The following DYNC2H1 variants were observed in gnomAD, a reference collection of about 807,000 sequenced individuals.
DYNC2H1 encodes the protein dynein cytoplasmic 2 heavy chain 1.
In DYNC2H1, 410 loss-of-function variants were observed where a neutral mutation model predicts 570.0. That is an observed-to-expected ratio of 0.72 (90% CI 0.66 to 0.78). DYNC2H1 has a LOEUF of 0.78. DYNC2H1 is among the 30% of genes least tolerant of loss of function. The pLI is 0.00. For synonymous variants in DYNC2H1, 1,688 were observed against 1,677.6 expected, an observed-to-expected ratio of 1.01 and a Z score of -0.15; for missense variants, 4,865 against 5,046.4, an observed-to-expected ratio of 0.96 and a Z score of 1.09.
intron 79 of DYNC2H1, 105 bp downstream of exon 79, chr11:103,312,138 T>G: frequency 1.5e-5 from 18 of 1,192,926 alleles, no homozygotes; most frequent in Non-Finnish European, 1.8e-5. Context: ...CCCAGTACTG[T>G]GGGAGGCCAA....
Position 103,439,454 on chromosome 11 carries a change from G to A in DYNC2H1, c.12456+3422G>A, listed in dbSNP as rs1040145106. 6.6e-6 allele frequency among the ~76,000 whole-genome samples: 1 copy of A among 152,160 alleles called. No individual in the cohort carries two copies. The highest frequency in any genetic ancestry group is 1.5e-5 in the Non-Finnish European group (1 of 68,016). On this transcript the variant is annotated intron_variant, in intron 85 of 88. Coordinates refer to ENST00000375735, the MANE Select transcript of DYNC2H1 (RefSeq NM_001377.3). The surrounding 1 kb of genome is among the most constrained non-coding windows in gnomAD (Gnocchi z 4.1). ...TGGAGGGCAAGAGGGGCCAAATCAT[G>A]ATAATGTATTAAGGAATTATATTTT...
chr11:103,400,356 C>G (rs1399552193), intron 84 of DYNC2H1, among the ~76,000 whole-genome samples: 1 of 152,128 alleles, frequency 6.6e-6, no homozygotes, highest in Non-Finnish European at 1.5e-5. Flanking sequence ...AGCCAAATGC[C>G]TCTTCCTGGA....
intron 59 of DYNC2H1, among the ~76,000 whole-genome samples, chr11:103,225,598 T>C (rs2135166199): frequency 6.6e-6 from 1 of 152,310 alleles, no homozygotes; most frequent in Non-Finnish European, 1.5e-5. Flanking sequence ...TCTCTTCTGT[T>C]CCATTGGTCT....
In DYNC2H1 at chr11:103,354,133, C is replaced by T. The variant is rs577671568; in HGVS notation, c.12040-4110C>T. ...TGGAGGTTGCGATGAGCTGAGATCG[C>T]GCCACCGTACTCCAGCCTGGGTGAC... On this transcript the variant is annotated intron_variant, in intron 82 of 88. Coordinates refer to ENST00000375735, the MANE Select transcript of DYNC2H1 (RefSeq NM_001377.3). 4.0e-3 allele frequency among the ~76,000 whole-genome samples: 596 copies of T among 147,194 alleles called. 3 individuals are homozygous for T. The highest frequency in any genetic ancestry group is 0.014 in the African/African-American group (543 of 39,738).
intron 78 of DYNC2H1, among the ~76,000 whole-genome samples, chr11:103,310,513 A>G (rs1054932752): frequency 3.9e-5 from 6 of 151,934 alleles, no homozygotes; most frequent in African/African-American, 7.2e-5. Context: ...TAAAAACTCT[A>G]AGTGGTTGTT....
At chr11:103,197,645 G>T (rs769462707) in intron 47 of DYNC2H1, among the ~76,000 whole-genome samples, 3 of 151,992 alleles carry the variant, frequency 2.0e-5, no homozygotes, top group Non-Finnish European at 4.4e-5. Context: ...ATGGAGTCTT[G>T]CTATGTTGCC....
chr11:103,136,391 A>G (rs1859553461), intron 17 of DYNC2H1, among the ~76,000 whole-genome samples: 1 of 136,350 alleles, frequency 7.3e-6, no homozygotes, highest in Non-Finnish European at 1.6e-5. Context: ...CCACCCGACA[A>G]CAGTCCCCAG....
At chr11:103,312,981 A>G (rs1181354619) in intron 79 of DYNC2H1, among the ~76,000 whole-genome samples, 2 of 150,986 alleles carry the variant, frequency 1.3e-5, no homozygotes, top group African/African-American at 4.9e-5. Flanking sequence ...TAATTTAAAT[A>G]TGTGTACTTC....
intron 34 of DYNC2H1, among the ~76,000 whole-genome samples, chr11:103,172,044 A>G (rs1022633021): frequency 6.6e-6 from 1 of 152,148 alleles, no homozygotes; most frequent in Non-Finnish European, 1.5e-5. Flanking sequence ...AAGAACTAAG[A>G]AATTATCATG....
chr11:103,255,061 A>T (rs934618324), intron 66 of DYNC2H1, among the ~76,000 whole-genome samples: 2 of 152,084 alleles, frequency 1.3e-5, no homozygotes, highest in African/African-American at 4.8e-5. Flanking sequence ...GTGAGCTACC[A>T]TGCCTGGCCC....
intron 82 of DYNC2H1, among the ~76,000 whole-genome samples, chr11:103,348,943 T>A (rs552432025): frequency 6.6e-6 from 1 of 152,266 alleles, no homozygotes; most frequent in South Asian, 2.1e-4. Context: ...TCTCTCCTAC[T>A]CCATGTGAAG....
chr11:103,135,340 G>A (rs1162772251), intron 15 of DYNC2H1, among the ~76,000 whole-genome samples, 155 bp from the exon 16 acceptor site: 5 of 152,006 alleles, frequency 3.3e-5, no homozygotes, highest in Admixed American at 2.0e-4. Context: ...AAACTTATAC[G>A]GAGAGTAACA....
At chr11:103,353,664 A>G (rs1399470638) in intron 82 of DYNC2H1, among the ~76,000 whole-genome samples, 1 of 151,998 alleles carries the variant, frequency 6.6e-6, no homozygotes, top group Non-Finnish European at 1.5e-5. Flanking sequence ...AATTTTGTTG[A>G]GGTTTACTAA....
Position 103,363,031 on chromosome 11 carries a change from A to AAAAT in DYNC2H1, c.12156+4691_12156+4694dup, listed in dbSNP as rs372989704. 3.0e-3 allele frequency among the ~76,000 whole-genome samples: 448 copies of AAAAT among 151,856 alleles called. 7 individuals carry two copies. The highest frequency in any genetic ancestry group is 3.4e-3 in the Non-Finnish European group (231 of 67,938). On this transcript the variant is annotated intron_variant, in intron 83 of 88. Transcript: ENST00000375735. The surrounding 1 kb of genome is among the most constrained non-coding windows in gnomAD (Gnocchi z 5.6). ...GGGCGACAGAGCAAGACTCTGTCTC[A>AAAAT]AAATAAATAAATAAATAAATAATAT...
At chr11:103,113,464 T>C (rs543391242) in intron 1 of DYNC2H1, 73 bp from the exon 2 acceptor site, 3 of 1,243,124 alleles carry the variant, frequency 2.4e-6, no homozygotes, top group East Asian at 5.7e-5. Context: ...ATTATAGTGA[T>C]AGAACTTTGT....
intron 85 of DYNC2H1, among the ~76,000 whole-genome samples, chr11:103,451,108 T>G (rs148093876): frequency 1.3e-5 from 2 of 152,134 alleles, no homozygotes; most frequent in African/African-American, 4.8e-5. Flanking sequence ...CCAATACCAG[T>G]TTTTATTGGC....
intron 85 of DYNC2H1, among the ~76,000 whole-genome samples, chr11:103,442,584 T>C (rs749552016): frequency 4.6e-5 from 7 of 152,176 alleles, no homozygotes; most frequent in Non-Finnish European, 8.8e-5. Flanking sequence ...TGGTCTACAA[T>C]GATATGCAGT....
chr11:103,369,619 C>A lies in DYNC2H1; in HGVS notation c.12156+11260C>A, dbSNP rs2671327. Among the ~76,000 whole-genome samples, 72,895 of 151,898 alleles carry A rather than the reference C, an allele frequency of 0.48. 19,382 individuals carry two copies. The highest frequency in any genetic ancestry group is 0.59 in the Admixed American group (9,054 of 15,280). ...GGATTTTGTCTTGCATCTTGGATAC[C>A]AGCTCAGCCACAACAGGATAGGGAA... On this transcript the variant is annotated intron_variant, in intron 83 of 88. Coordinates refer to ENST00000375735, the MANE Select transcript of DYNC2H1 (RefSeq NM_001377.3). This position sits in a 1 kb window ranked among gnomAD's most constrained non-coding sequence, Gnocchi z 4.0.
intron 84 of DYNC2H1, among the ~76,000 whole-genome samples, chr11:103,432,398 A>T (rs1943923718): frequency 6.6e-6 from 1 of 152,102 alleles, no homozygotes; most frequent in African/African-American, 2.4e-5. Flanking sequence ...GATTGCTCTC[A>T]GCTGGTTGTT....
Sources: gnomAD v4.1 joint callset for allele counts (sites outside exome capture counted in the v4.1 genomes callset) on GRCh38, gnomAD v4.1.1 for gene constraint, Gnocchi (gnomAD v3.1) non-coding constraint, MANE v1.5 for transcripts, NCBI Gene and HGNC (gene_info 2026-07-23, HGNC 2026-07-21) for gene names.